Variants in SHISA9 observed in about 807,000 individuals in gnomAD.
The protein encoded by SHISA9 is protein shisa-9.
In SHISA9, 13 loss-of-function variants were observed where a neutral mutation model predicts 38.0. That is an observed-to-expected ratio of 0.34 (90% CI 0.22 to 0.54). SHISA9 has a LOEUF of 0.54. SHISA9 is among the 20% of genes least tolerant of loss of function. SHISA9 has a pLI of 0.91. For missense variants in SHISA9, 538 were observed against 575.8 expected, an observed-to-expected ratio of 0.93 and a Z score of 0.67; for synonymous variants, 275 against 242.0, an observed-to-expected ratio of 1.14 and a Z score of -1.27.
chr16:13,316,170 A>T, the SHISA9 span, among the ~76,000 whole-genome samples: 75 of 152,204 alleles, frequency 4.9e-4, no homozygotes, highest in Middle Eastern at 6.8e-3. Context: ...CACAGTCTGG[A>T]TGGCTTGCTG....
Position 12,908,614 on chromosome 16 carries a change from C to G in SHISA9, c.563+5987C>G, listed in dbSNP as rs570282874. On this transcript the variant is annotated intron_variant, in intron 1 of 4. Transcript: ENST00000558583. The stretch of plus-strand genomic sequence containing the variant: ...GATCCTTGGCCGCTAGGCTGCACTG[C>G]GTTTGAGTGCAAACCTGCAGGAATT... The G allele has an allele frequency of 3.2e-6, 5 of 1,551,158 alleles. No homozygotes were observed. In the African/African-American group the frequency reaches 6.8e-5, roughly 21 times the overall value.
the SHISA9 span, among the ~76,000 whole-genome samples, chr16:13,279,340 T>A: frequency 6.6e-6 from 1 of 152,008 alleles, no homozygotes; most frequent in African/African-American, 2.4e-5. Context: ...AATTTCCATG[T>A]GCTGTTGAAT....
At chr16:13,057,465 G>A (rs574432467) in intron 2 of SHISA9, among the ~76,000 whole-genome samples, 4 of 152,176 alleles carry the variant, frequency 2.6e-5, no homozygotes, top group African/African-American at 9.6e-5. Flanking sequence ...GGCGATCTTG[G>A]CTCACTGCAA....
intron 2 of SHISA9, among the ~76,000 whole-genome samples, chr16:13,113,175 A>G (rs981789246): frequency 7.2e-6 from 1 of 138,682 alleles, no homozygotes; most frequent in African/African-American, 2.7e-5. Flanking sequence ...ATCCTGCTGT[A>G]CTCCAGCCTG....
chr16:13,356,814 C>A, the SHISA9 span, among the ~76,000 whole-genome samples: 18 of 152,152 alleles, frequency 1.2e-4, no homozygotes, highest in African/African-American at 4.3e-4. Context: ...CACCTCAGAC[C>A]GTTTGCCTAT....
the SHISA9 span, among the ~76,000 whole-genome samples, chr16:13,463,476 G>A: frequency 2.0e-5 from 3 of 152,150 alleles, no homozygotes; most frequent in South Asian, 6.2e-4. Context: ...AGAGTTGCTC[G>A]GGAGCTCTGT....
At chr16:12,954,424 T>C (rs1362697361) in intron 2 of SHISA9, among the ~76,000 whole-genome samples, 4 of 152,168 alleles carry the variant, frequency 2.6e-5, no homozygotes, top group Non-Finnish European at 2.9e-5. Context: ...ATTTGTGTGG[T>C]TGGAGGATTA....
At chr16:13,014,008 C>G (rs992378366) in intron 2 of SHISA9, among the ~76,000 whole-genome samples, 1 of 152,164 alleles carries the variant, frequency 6.6e-6, no homozygotes, top group African/African-American at 2.4e-5. Flanking sequence ...GGATTACAGG[C>G]GTGAACCACC....
the SHISA9 span, among the ~76,000 whole-genome samples, chr16:13,464,645 C>T: frequency 7.9e-3 from 1,203 of 152,162 alleles, 12 homozygotes; most frequent in African/African-American, 0.027. Context: ...TTAGAGCAAC[C>T]GGAAATTTTC....
intron 2 of SHISA9, among the ~76,000 whole-genome samples, chr16:13,026,127 T>C (rs1297972491): frequency 6.6e-6 from 1 of 152,236 alleles, no homozygotes; most frequent in Non-Finnish European, 1.5e-5. Context: ...AAGTGTATAA[T>C]ACAGTATTGT....
chr16:13,009,863 G>T (rs1051805656), intron 2 of SHISA9, among the ~76,000 whole-genome samples: 14 of 152,102 alleles, frequency 9.2e-5, no homozygotes, highest in African/African-American at 3.4e-4. Context: ...GGCTTGGCAT[G>T]GCCTGTTTTT....
chr16:13,252,412 C>A, the SHISA9 span, among the ~76,000 whole-genome samples: 1 of 152,162 alleles, frequency 6.6e-6, no homozygotes, highest in Non-Finnish European at 1.5e-5. Flanking sequence ...GCTAAATATC[C>A]TACAAGGCAC....
chr16:13,520,975 T>G, the SHISA9 span, among the ~76,000 whole-genome samples: 1 of 152,200 alleles, frequency 6.6e-6, no homozygotes, highest in African/African-American at 2.4e-5. Context: ...ACATTTATCA[T>G]TTCATTGTCG....
At chr16:13,551,215 CAT>C in the SHISA9 span, among the ~76,000 whole-genome samples, 1 of 152,090 alleles carries the variant, frequency 6.6e-6, no homozygotes, top group Non-Finnish European at 1.5e-5. Flanking sequence ...CACGTACACA[CAT>C]ACACTCCTAC....
the SHISA9 span, among the ~76,000 whole-genome samples, chr16:13,353,994 T>A: frequency 6.6e-5 from 10 of 151,020 alleles, no homozygotes; most frequent in Admixed American, 6.6e-4. Flanking sequence ...TCTCACACCC[T>A]GTAGGAAAGG....
intron 2 of SHISA9, among the ~76,000 whole-genome samples, chr16:13,019,870 C>T (rs1226345531): frequency 1.3e-3 from 43 of 31,924 alleles, no homozygotes; most frequent in African/African-American, 6.4e-3. Flanking sequence ...CTCCCTCCCT[C>T]CCTCCCTCCC....
At chr16:13,274,534 A>C in the SHISA9 span, among the ~76,000 whole-genome samples, 2 of 152,146 alleles carry the variant, frequency 1.3e-5, no homozygotes, top group South Asian at 2.1e-4. Flanking sequence ...GTTTTAATTA[A>C]TTATTCCAGC....
intron 4 of SHISA9, among the ~76,000 whole-genome samples, chr16:13,222,916 C>T (rs1450970366): frequency 2.0e-5 from 3 of 152,038 alleles, no homozygotes; most frequent in Non-Finnish European, 2.9e-5. Flanking sequence ...AGTTACTACC[C>T]TTTGGATACT....
chr16:13,379,024 A>G, the SHISA9 span, among the ~76,000 whole-genome samples: 1 of 152,090 alleles, frequency 6.6e-6, no homozygotes, highest in Non-Finnish European at 1.5e-5. Context: ...CACTCAAGGA[A>G]CCTCATCTCC....
Sources: gnomAD v4.1 joint callset for allele counts (sites outside exome capture counted in the v4.1 genomes callset) on GRCh38, gnomAD v4.1.1 for gene constraint, MANE v1.5 for transcripts, NCBI Gene and HGNC (gene_info 2026-07-23, HGNC 2026-07-21) for gene names.